The following MAP1B variants were observed in gnomAD, a reference collection of about 807,000 sequenced individuals.
MAP1B encodes microtubule-associated protein 1B.
Under a neutral mutation model 176.1 loss-of-function variants are expected in MAP1B, and 12 were observed. The ratio of observed to expected loss-of-function variants is 0.07; its 90% CI spans 0.04 to 0.11. The LOEUF (loss-of-function observed/expected upper bound fraction) is 0.11. MAP1B is among the 10% of genes least tolerant of loss of function. The pLI, the probability that MAP1B is intolerant of heterozygous loss-of-function variation, is 1.00. For synonymous variants in MAP1B, 1,044 were observed against 1,135.0 expected (o/e 0.92, Z 1.61); for missense variants, 2,523 against 2,990.5 (o/e 0.84, Z 3.65).
At chr5:72,183,041 G>A (rs529420169) in intron 2 of MAP1B, among the ~76,000 whole-genome samples, 28 of 152,294 alleles carry the variant, frequency 1.8e-4, no homozygotes, top group African/African-American at 5.1e-4. Context: ...CCACAGCCCC[G>A]CAGGGTTTCA....
chr5:72,203,911 G>A (rs1747387647), intron 6 of MAP1B, 110 bp downstream of exon 6: 1 of 887,020 alleles, frequency 1.1e-6, no homozygotes, highest in Non-Finnish European at 1.8e-6. Flanking sequence ...GGATCCACAT[G>A]AGGTGCCTCC....
At chr5:72,127,206 G>A (rs1745646082) in intron 2 of MAP1B, among the ~76,000 whole-genome samples, 1 of 152,188 alleles carries the variant, frequency 6.6e-6, no homozygotes, top group South Asian at 2.1e-4. Flanking sequence ...ATGGTCAACT[G>A]TGCATATCTT....
intron 4 of MAP1B, among the ~76,000 whole-genome samples, chr5:72,190,387 C>G (rs1747001281): frequency 6.6e-6 from 1 of 152,188 alleles, no homozygotes; most frequent in South Asian, 2.1e-4. Flanking sequence ...ATCCATTTGA[C>G]TGTCAACTAA....
rs1464279716 is a variant in MAP1B, at chr5:72,209,081, T to G, written c.*3842T>G. The G allele has an allele frequency of 1.3e-5, 2 of 152,168 alleles. No homozygotes were observed. Among genetic ancestry groups the G allele is most frequent in the Non-Finnish European group, 2.9e-5 (2 of 68,032 alleles). 9.4% of individuals were successfully genotyped at this position (152,168 alleles called of 1,614,324 possible). On this transcript the variant is annotated 3_prime_UTR_variant, in exon 7 of 7. Coordinates refer to ENST00000296755, the MANE Select transcript of MAP1B (RefSeq NM_005909.5). ...TACTGTTAAAAAATCTGTGACTTCATGAAGTTGATTTTTAAAGGCAGCATC... is the reference window on the plus strand; with the variant it reads ...TACTGTTAAAAAATCTGTGACTTCAGGAAGTTGATTTTTAAAGGCAGCATC...
At chr5:72,129,132 A>ACAAGG (rs1384925677) in intron 2 of MAP1B, among the ~76,000 whole-genome samples, 2 of 152,230 alleles carry the variant, frequency 1.3e-5, no homozygotes, top group Admixed American at 1.3e-4. Flanking sequence ...CTAGGAAGAG[A>ACAAGG]CAAGGTTGTC....
intron 1 of MAP1B, among the ~76,000 whole-genome samples, chr5:72,114,769 A>T (rs1479978189): frequency 1.3e-5 from 2 of 152,186 alleles, no homozygotes; most frequent in Non-Finnish European, 2.9e-5. Context: ...AGGAAGGAAG[A>T]GGCTAGAGAG....
intron 2 of MAP1B, among the ~76,000 whole-genome samples, chr5:72,159,864 T>C (rs564628594): frequency 6.6e-6 from 1 of 152,216 alleles, no homozygotes; most frequent in Middle Eastern, 3.2e-3. Context: ...GCCTTACTCA[T>C]GGTTGTTGAG....
chr5:72,154,795 G>A (rs1013935358), intron 2 of MAP1B, among the ~76,000 whole-genome samples: 2 of 152,208 alleles, frequency 1.3e-5, no homozygotes, highest in African/African-American at 4.8e-5. Flanking sequence ...TGGTTCCTCT[G>A]TGTGCATTTT....
rs1747298958 is a variant in MAP1B, at chr5:72,200,171, A to T, written c.6816A>T (p.Pro2272=). The change falls in exon 5 of 7, where the codon CCA becomes CCT. Residue 2272 remains proline, a synonymous_variant. Transcript: ENST00000296755. The stretch of plus-strand genomic sequence containing the variant: ...AGTCTAAGCCCTTGGCAGCTTCACC[A>T]AAACCAGCGGGCTTGAAAGAATCCT... The part of the protein sequence containing the change: ...DGKSKPLAAS[P]KPAGLKESSD... The T allele has an allele frequency of 2.5e-6, 4 of 1,614,260 alleles. No homozygotes were observed. The highest frequency in any genetic ancestry group is 3.4e-6 in the Non-Finnish European group (4 of 1,180,044).
At chr5:72,124,499 C>A (rs1248468685) in intron 2 of MAP1B, among the ~76,000 whole-genome samples, 6 of 152,090 alleles carry the variant, frequency 3.9e-5, no homozygotes, top group Admixed American at 3.9e-4. Flanking sequence ...AATTGAAAAG[C>A]TAGGGTAGTG....
chr5:72,107,511 C>T lies in MAP1B; in HGVS notation c.-21C>T, dbSNP rs779520973. On this transcript the variant is annotated 5_prime_UTR_variant, in exon 1 of 7. Transcript: ENST00000296755. ...GAGCGGCCGGAGCGAGACACTTCGC[C>T]GAGGCACAGCAGCCGGCAGGATGGC... 4.5e-6 allele frequency: 7 copies of T among 1,540,314 alleles called. No individual in the cohort carries two copies. Among genetic ancestry groups the T allele is most frequent in the Admixed American group, 1.9e-5 (1 of 52,212 alleles).
intron 2 of MAP1B, among the ~76,000 whole-genome samples, chr5:72,144,001 G>A (rs974969807): frequency 2.0e-5 from 3 of 152,046 alleles, no homozygotes; most frequent in Admixed American, 2.0e-4. Context: ...CTCCCTGTTT[G>A]TCTCTGTGTT....
chr5:72,110,764 G>A (rs1745318029), intron 1 of MAP1B, among the ~76,000 whole-genome samples: 1 of 152,154 alleles, frequency 6.6e-6, no homozygotes. Context: ...AGACCCTGGC[G>A]ACTTGGATTC....
At position 72,129,278 on chromosome 5, in the gene MAP1B, G is replaced by A. The variant is rs182801119; in HGVS notation, c.286+13479G>A. On this transcript the variant is annotated intron_variant, in intron 2 of 6. Transcript: ENST00000296755. ...TTAGAAGATCCAAGTAAATAGGGCC[G>A]GGTGTGGTGGCTCACGCCTGTAATC... is the stretch of plus-strand genomic sequence containing the variant. Among the ~76,000 whole-genome samples, 6 of 152,288 alleles carry A rather than the reference G, an allele frequency of 3.9e-5. No individual in the cohort carries two copies. The East Asian group carries it at 5.8e-4, about 15-fold the overall frequency.
chr5:72,140,843 G>A (rs777920502), intron 2 of MAP1B, among the ~76,000 whole-genome samples: 7 of 152,180 alleles, frequency 4.6e-5, no homozygotes, highest in Non-Finnish European at 8.8e-5. Context: ...TATTTCTAGC[G>A]TCCATCTTGG....
At position 72,194,266 on chromosome 5, in the gene MAP1B, T is replaced by C. The variant is rs1434962190; in HGVS notation, c.911T>C (p.Val304Ala). The C allele has an allele frequency of 6.2e-7, 1 of 1,614,162 alleles. No individual in the cohort carries two copies. The highest frequency in any genetic ancestry group is 8.5e-7 in the Non-Finnish European group (1 of 1,180,030). The change falls in exon 5 of 7, where the codon GTG becomes GCG. Residue 304 changes from valine (V) to alanine (A), a missense_variant. Physicochemically the swap from Val to Ala is moderately conservative, Grantham distance 64. Coordinates refer to ENST00000296755, the MANE Select transcript of MAP1B (RefSeq NM_005909.5). The surrounding 1 kb of genome is among the most constrained non-coding windows in gnomAD (Gnocchi z 7.2). Reference sequence around the variant, plus strand: ...AAGCTCATCCGACACTTAGACCGAGTGGACTCCATCCTGCTCACCCACATT... The same window carrying C: ...AAGCTCATCCGACACTTAGACCGAGCGGACTCCATCCTGCTCACCCACATT... ...FWKLIRHLDR[V>A]DSILLTHIGD...
intron 2 of MAP1B, among the ~76,000 whole-genome samples, chr5:72,118,692 C>T (rs1027537112): frequency 5.3e-5 from 8 of 152,170 alleles, no homozygotes; most frequent in African/African-American, 1.9e-4. Flanking sequence ...TAGCAATCCA[C>T]CTGCCTTGGC....
intron 2 of MAP1B, among the ~76,000 whole-genome samples, chr5:72,141,938 A>G (rs904792006): frequency 6.6e-5 from 10 of 152,034 alleles, no homozygotes; most frequent in Admixed American, 5.2e-4. Context: ...GGAGCAAGGA[A>G]CTCTCACTGT....
At chr5:72,165,018 A>G (rs142610281) in intron 2 of MAP1B, among the ~76,000 whole-genome samples, 1 of 152,170 alleles carries the variant, frequency 6.6e-6, no homozygotes, top group East Asian at 1.9e-4. Flanking sequence ...ACAGTGCCCT[A>G]CTGTTGCTAT....
Sources: gnomAD v4.1 joint callset for allele counts (sites outside exome capture counted in the v4.1 genomes callset) on GRCh38, gnomAD v4.1.1 for gene constraint, Gnocchi (gnomAD v3.1) non-coding constraint, MANE v1.5 for transcripts, NCBI Gene and HGNC (gene_info 2026-07-23, HGNC 2026-07-21) for gene names.